EIF2AK3: variants seen among roughly 807,000 people sequenced by gnomAD.
EIF2AK3 encodes eukaryotic translation initiation factor 2-alpha kinase 3.
EIF2AK3 carries 50 observed loss-of-function variants against 113.5 expected under a neutral mutation model. The observed-to-expected ratio is 0.44, with a 90% CI of 0.35 to 0.56. The LOEUF (loss-of-function observed/expected upper bound fraction) is 0.56. EIF2AK3 is among the 20% of genes least tolerant of loss of function. EIF2AK3 has a pLI of 0.00. For missense variants in EIF2AK3, 1,185 were observed against 1,378.0 expected, an observed-to-expected ratio of 0.86 and a Z score of 2.22; for synonymous variants, 448 against 495.4, an observed-to-expected ratio of 0.90 and a Z score of 1.27.
intron 4 of EIF2AK3, among the ~76,000 whole-genome samples, chr2:88,593,028 G>A (rs1321268232): frequency 2.0e-5 from 3 of 152,034 alleles, no homozygotes; most frequent in Non-Finnish European, 2.9e-5. Flanking sequence ...TGTAATCCCC[G>A]GTACTCGGGA....
chr2:88,601,834 C>CTTTTTTTTTTTTTTT lies in EIF2AK3; in HGVS notation c.439-6186_439-6172dup, dbSNP rs59987968. 9.0e-3 allele frequency among the ~76,000 whole-genome samples: 672 copies of CTTTTTTTTTTTTTTT among 74,904 alleles called. 5 individuals are homozygous for CTTTTTTTTTTTTTTT. The highest frequency in any genetic ancestry group is 0.014 in the Middle Eastern group (1 of 72). 49.1% of individuals were successfully genotyped at this position (74,904 alleles called of 152,430 possible). ...TCTGCATTTATTAGTTAAGATTTTT[C>CTTTTTTTTTTTTTTT]TTTTTTTTTTTTTTTTTTTTTGCTT... On this transcript the variant is annotated intron_variant, in intron 2 of 16. Coordinates refer to ENST00000303236, the MANE Select transcript of EIF2AK3 (RefSeq NM_004836.7).
rs532330685 is a variant in EIF2AK3 at position 88,627,068 on chromosome 2, C to T, written c.207G>A (p.Glu69=). 6.3e-7 allele frequency: 1 copy of T among 1,578,346 alleles called. No individual in the cohort carries two copies. The highest frequency in any genetic ancestry group is 8.5e-7 in the Non-Finnish European group (1 of 1,169,836). Residue 69 remains glutamate (E), a synonymous_variant, in exon 1 of 17, where the codon GAG becomes GAA. Coordinates refer to ENST00000303236, the MANE Select transcript of EIF2AK3 (RefSeq NM_004836.7). The part of the protein sequence containing the change: ...VPAAGAVAAA[E]VTVEDAEALP... ...GCGCCTCAGCGTCCTCCACAGTCAC[C>T]TCGGCCGCAGCCACGGCGCCCGCCG...
At chr2:88,621,109 T>A (rs1000480696) in intron 1 of EIF2AK3, among the ~76,000 whole-genome samples, 1 of 152,250 alleles carries the variant, frequency 6.6e-6, no homozygotes, top group Non-Finnish European at 1.5e-5. Flanking sequence ...AAGTGGCAAC[T>A]ACTATATTAC....
At chr2:88,594,646 T>A (rs958832116) in intron 3 of EIF2AK3, among the ~76,000 whole-genome samples, 5 of 152,160 alleles carry the variant, frequency 3.3e-5, no homozygotes, top group African/African-American at 9.6e-5. Context: ...TAGATCTAAG[T>A]TAAATGTGAC....
chr2:88,577,134 C>T (rs1418392073), intron 11 of EIF2AK3, among the ~76,000 whole-genome samples: 2 of 152,096 alleles, frequency 1.3e-5, no homozygotes, highest in Non-Finnish European at 2.9e-5. Context: ...CAGATGCGCA[C>T]CACCACACCC....
rs750529763 is a variant in EIF2AK3, at chr2:88,558,953, T to C, written c.3114A>G (p.Lys1038=). ...VRTLTDVRNL[K]FPPLFTQKYP... ...ATTTCTGAGTAAATAATGGTGGAAA[T>C]TTGAGATTTCTTACATCAGTTAAGG... The change falls in exon 16 of 17, where the codon AAA becomes AAG. Residue 1038 remains lysine (K), a synonymous_variant. Coordinates refer to ENST00000303236, the MANE Select transcript of EIF2AK3 (RefSeq NM_004836.7). 1 of 1,598,744 alleles carries C rather than the reference T, an allele frequency of 6.3e-7. No individual in the cohort carries two copies.
chr2:88,571,691 A>T (rs981745234), intron 13 of EIF2AK3, among the ~76,000 whole-genome samples: 5 of 152,160 alleles, frequency 3.3e-5, no homozygotes, highest in Non-Finnish European at 7.4e-5. Flanking sequence ...GCTAATTACT[A>T]TTTGGTGAAT....
intron 1 of EIF2AK3, among the ~76,000 whole-genome samples, chr2:88,622,807 A>C (rs886777439): frequency 6.6e-6 from 1 of 152,218 alleles, no homozygotes; most frequent in African/African-American, 2.4e-5. Flanking sequence ...AAACAAAAAA[A>C]TGATTATAAA....
chr2:88,588,044 T>C lies in EIF2AK3; in HGVS notation c.1367A>G (p.Asn456Ser). 1 of 1,581,152 alleles carries C rather than the reference T, an allele frequency of 6.3e-7. No individual in the cohort carries two copies. Among genetic ancestry groups the C allele is most frequent in the South Asian group, 1.2e-5 (1 of 86,454 alleles). The change falls in exon 8 of 17, where the codon AAT becomes AGT. Residue 456 changes from asparagine (N) to serine (S), a missense_variant. Physicochemically the swap from Asn to Ser is conservative, Grantham distance 46. This residue lies in a region of EIF2AK3 where 877 missense variants were observed against 1,024.2 expected (regional missense o/e 0.86). Coordinates refer to ENST00000303236, the MANE Select transcript of EIF2AK3 (RefSeq NM_004836.7). ...ATATTCTTCATGAGAAAACTTATCATTACTGAGACATTTGTCAAATTCATC... is the reference window on the plus strand; with the variant it reads ...ATATTCTTCATGAGAAAACTTATCACTACTGAGACATTTGTCAAATTCATC... Reference protein sequence around the residue: ...GSDEFDKCLSNDKFSHEEYSN... With the variant: ...GSDEFDKCLSSDKFSHEEYSN...
chr2:88,588,764 T>C lies in EIF2AK3; in HGVS notation c.1303A>G (p.Ile435Val). Residue 435 changes from isoleucine (I) to valine (V), a missense_variant, in exon 7 of 17, where the codon ATT (isoleucine) becomes GTT (valine). Transcript: ENST00000303236. ...PLPTIKWKPL[I>V]HSPSRTPVLV... ...GAAAAGTTTACAATTCACTTACGAA[T>C]TAAGGGTTTCCATTTGATTGTTGGT... 6.2e-7 allele frequency: 1 copy of C among 1,613,686 alleles called. No homozygotes were observed. Among genetic ancestry groups the C allele is most frequent in the Non-Finnish European group, 8.5e-7 (1 of 1,179,776 alleles).
chr2:88,569,961 C>T (rs926585942), intron 14 of EIF2AK3, among the ~76,000 whole-genome samples: 1 of 151,678 alleles, frequency 6.6e-6, no homozygotes, highest in African/African-American at 2.4e-5. Context: ...GAATGTAGCA[C>T]TTTTATAAGT....
chr2:88,606,219 TGA>T (rs1407842077), intron 2 of EIF2AK3, among the ~76,000 whole-genome samples: 205 of 152,110 alleles, frequency 1.3e-3, no homozygotes, highest in African/African-American at 4.7e-3. Flanking sequence ...AAAAGAACAC[TGA>T]TTTTAATAAC....
intron 13 of EIF2AK3, among the ~76,000 whole-genome samples, chr2:88,572,762 T>C (rs1010505256): frequency 6.6e-6 from 1 of 152,330 alleles, no homozygotes; most frequent in East Asian, 1.9e-4. Context: ...TATGACCATC[T>C]AGAACATTCA....
chr2:88,560,477 A>G (rs1232734046), intron 15 of EIF2AK3, among the ~76,000 whole-genome samples: 2 of 152,138 alleles, frequency 1.3e-5, no homozygotes, highest in Non-Finnish European at 2.9e-5. Context: ...TGCAGGCATA[A>G]TCATAGCTTA....
chr2:88,577,333 T>C (rs1322531824), intron 11 of EIF2AK3, among the ~76,000 whole-genome samples: 1 of 152,018 alleles, frequency 6.6e-6, no homozygotes, highest in Non-Finnish European at 1.5e-5. Context: ...TTTTAAAAAA[T>C]ACAAGTATTT....
At chr2:88,623,125 T>A (rs7563643) in intron 1 of EIF2AK3, among the ~76,000 whole-genome samples, 117,293 of 152,204 alleles carry the variant, frequency 0.77, 45,676 homozygotes, top group African/African-American at 0.87. Context: ...TGTCAGAATG[T>A]CTTCCCAACC....
At chr2:88,587,272 T>G (rs192119043) in intron 8 of EIF2AK3, among the ~76,000 whole-genome samples, 5 of 151,554 alleles carry the variant, frequency 3.3e-5, no homozygotes, top group Non-Finnish European at 7.4e-5. Flanking sequence ...CATTTTTTTT[T>G]AATCAATTTA....
chr2:88,592,580 G>A (rs747303052), intron 4 of EIF2AK3, among the ~76,000 whole-genome samples: 6 of 151,918 alleles, frequency 3.9e-5, no homozygotes, highest in East Asian at 1.9e-4. Context: ...CCTAACCAAC[G>A]TGGAGAAACC....
chr2:88,621,152 T>C (rs756772818), intron 1 of EIF2AK3, among the ~76,000 whole-genome samples: 21 of 152,210 alleles, frequency 1.4e-4, no homozygotes, highest in Non-Finnish European at 2.2e-4. Context: ...CTCTCAGAAA[T>C]CTCATAGATG....
Sources: gnomAD v4.1 joint callset for allele counts (sites outside exome capture counted in the v4.1 genomes callset) on GRCh38, gnomAD v4.1.1 for gene constraint, gnomAD v4.1.1 regional missense constraint, MANE v1.5 for transcripts, NCBI Gene and HGNC (gene_info 2026-07-23, HGNC 2026-07-21) for gene names.